Variants in PIP5K1B observed in about 807,000 individuals in gnomAD.
The protein encoded by PIP5K1B is phosphatidylinositol-4-phosphate 5-kinase type 1 beta, also known as phosphatidylinositol 4-phosphate 5-kinase type-1 beta.
PIP5K1B carries 42 observed loss-of-function variants against 67.0 expected under a neutral mutation model. That is an observed-to-expected ratio of 0.63 (90% CI 0.49 to 0.81). PIP5K1B has a LOEUF of 0.81. Ranked by LOEUF, PIP5K1B falls within the 30% of genes least tolerant of loss-of-function variation. The pLI, the probability that PIP5K1B is intolerant of heterozygous loss-of-function variation, is 0.00. For synonymous variants in PIP5K1B, 214 were observed against 231.4 expected (o/e 0.92, Z 0.68); for missense variants, 459 against 646.3 (o/e 0.71, Z 3.14).
chr9:68,951,875 T>C (rs1365001199), intron 14 of PIP5K1B, among the ~76,000 whole-genome samples: 1 of 152,134 alleles, frequency 6.6e-6, no homozygotes, highest in African/African-American at 2.4e-5. Context: ...CCTTTGGCAA[T>C]TACTTTGGTT....
intron 14 of PIP5K1B, among the ~76,000 whole-genome samples, chr9:68,979,759 G>A (rs78556479): frequency 0.028 from 4,230 of 152,288 alleles, 67 homozygotes; most frequent in Middle Eastern, 0.044. Context: ...TCCTGCTTCT[G>A]GTGCTCACTG....
chr9:68,758,576 GA>G (rs1166891686), intron 2 of PIP5K1B, among the ~76,000 whole-genome samples: 1 of 151,990 alleles, frequency 6.6e-6, no homozygotes, highest in African/African-American at 2.4e-5. Context: ...ACAACAACGA[GA>G]AAAAGGATTG....
At chr9:68,857,018 C>G (rs1218170165) in intron 4 of PIP5K1B, among the ~76,000 whole-genome samples, 1 of 152,156 alleles carries the variant, frequency 6.6e-6, no homozygotes, top group African/African-American at 2.4e-5. Context: ...ATCAGAGTCA[C>G]AGAAGATGTG....
intron 2 of PIP5K1B, among the ~76,000 whole-genome samples, chr9:68,763,873 G>A (rs1830301950): frequency 6.6e-6 from 1 of 152,018 alleles, no homozygotes; most frequent in African/African-American, 2.4e-5. Context: ...CTTAAGTGAG[G>A]ATGAGGAGAG....
At chr9:68,799,195 C>T (rs932623425) in intron 2 of PIP5K1B, among the ~76,000 whole-genome samples, 1 of 152,152 alleles carries the variant, frequency 6.6e-6, no homozygotes, top group Admixed American at 6.5e-5. Flanking sequence ...AGCACACCTT[C>T]CATCAATATG....
chr9:68,812,329 A>T (rs566444231), intron 2 of PIP5K1B, among the ~76,000 whole-genome samples: 1 of 152,368 alleles, frequency 6.6e-6, no homozygotes, highest in South Asian at 2.1e-4. Context: ...GAGTGAAAAC[A>T]TAGAACTATA....
intron 6 of PIP5K1B, among the ~76,000 whole-genome samples, chr9:68,888,722 T>C (rs1824613270): frequency 6.6e-6 from 1 of 152,238 alleles, no homozygotes; most frequent in Non-Finnish European, 1.5e-5. Flanking sequence ...GATAGGATGA[T>C]TCATGATTCT....
intron 15 of PIP5K1B, among the ~76,000 whole-genome samples, chr9:69,005,277 TGA>T (rs1831026683): frequency 2.0e-5 from 3 of 152,364 alleles, no homozygotes; most frequent in South Asian, 4.1e-4. Flanking sequence ...ACCAATTTTA[TGA>T]GAGACATCAA....
chr9:68,824,463 A>G (rs1471645414), intron 4 of PIP5K1B, among the ~76,000 whole-genome samples: 3 of 152,244 alleles, frequency 2.0e-5, no homozygotes, highest in African/African-American at 7.2e-5. Context: ...TGTAAAAACT[A>G]AAAATCAAAT....
chr9:68,865,894 G>A (rs1823331272), intron 5 of PIP5K1B, among the ~76,000 whole-genome samples: 1 of 152,220 alleles, frequency 6.6e-6, no homozygotes, highest in Non-Finnish European at 1.5e-5. Flanking sequence ...TTGAGAGAGA[G>A]AATCTTTCTG....
chr9:68,987,958 C>A (rs1830164322), intron 14 of PIP5K1B, among the ~76,000 whole-genome samples: 2 of 152,116 alleles, frequency 1.3e-5, no homozygotes, highest in Admixed American at 1.3e-4. Flanking sequence ...GACACAGACC[C>A]AAACCATATC....
chr9:68,814,250 A>G (rs1833316732), intron 2 of PIP5K1B, among the ~76,000 whole-genome samples: 1 of 152,214 alleles, frequency 6.6e-6, no homozygotes, highest in Non-Finnish European at 1.5e-5. Context: ...GGCAGCGAAA[A>G]TAGTGTATAG....
At chr9:68,972,043 A>C (rs1829397883) in intron 14 of PIP5K1B, among the ~76,000 whole-genome samples, 1 of 152,076 alleles carries the variant, frequency 6.6e-6, no homozygotes, top group Admixed American at 6.5e-5. Context: ...TTGGTGTTTT[A>C]GTCATTAAGT....
intron 5 of PIP5K1B, among the ~76,000 whole-genome samples, chr9:68,865,079 CT>C (rs1823291052): frequency 1.3e-5 from 2 of 152,170 alleles, no homozygotes; most frequent in Admixed American, 1.3e-4. Flanking sequence ...TAAAAGTCAG[CT>C]ACCTCGTTTT....
intron 4 of PIP5K1B, among the ~76,000 whole-genome samples, chr9:68,847,086 AT>A (rs1723756082): frequency 6.6e-6 from 1 of 152,130 alleles, no homozygotes. Context: ...CTCCTGTCTT[AT>A]GAAGTCAGAG....
chr9:68,949,514 C>T (rs1167063969), intron 14 of PIP5K1B, among the ~76,000 whole-genome samples: 1 of 152,234 alleles, frequency 6.6e-6, no homozygotes, highest in Non-Finnish European at 1.5e-5. Flanking sequence ...GAGGACATAA[C>T]ATGTAATGCC....
intron 2 of PIP5K1B, chr9:68,789,152 A>T: frequency 3.4e-6 from 2 of 581,688 alleles, no homozygotes; most frequent in African/African-American, 3.8e-5. Flanking sequence ...ATTTCACCCC[A>T]GTACCTCGCC....
At chr9:68,894,775 G>A (rs531427918) in intron 8 of PIP5K1B, 137 bp downstream of exon 8, 35 of 760,798 alleles carry the variant, frequency 4.6e-5, no homozygotes, top group East Asian at 1.0e-4. Flanking sequence ...CAATCCTGGC[G>A]CTGAGCCATG....
chr9:68,745,852 T>C (rs755065319), intron 2 of PIP5K1B, among the ~76,000 whole-genome samples: 47 of 151,992 alleles, frequency 3.1e-4, no homozygotes, highest in Non-Finnish European at 5.9e-4. Flanking sequence ...GTACATCTTA[T>C]ATTATAAATG....
Sources: allele counts gnomAD v4.1 joint callset (sites outside exome capture counted in the v4.1 genomes callset), GRCh38; gene constraint gnomAD v4.1.1; transcripts MANE v1.5; gene names NCBI Gene and HGNC (gene_info 2026-07-23, HGNC 2026-07-21).